The following SGCD variants were observed in gnomAD, a reference collection of about 807,000 sequenced individuals.
SGCD encodes the protein sarcoglycan delta.
SGCD carries 18 observed loss-of-function variants against 36.6 expected under a neutral mutation model. That is an observed-to-expected ratio of 0.49 (90% confidence interval 0.34 to 0.73). The LOEUF is 0.73. SGCD is among the 30% of genes least tolerant of loss of function. The pLI, the probability that SGCD is intolerant of heterozygous loss-of-function variation, is 0.01. For synonymous variants in SGCD, 133 were observed against 130.6 expected (o/e 1.02, Z -0.12); for missense variants, 387 against 346.7 (o/e 1.12, Z -0.92).
chr5:156,124,608 G>A lies in SGCD; in HGVS notation c.-44+589G>A, dbSNP rs528462801. 1.7e-4 allele frequency among the ~76,000 whole-genome samples: 26 copies of A among 152,120 alleles called. No individual in the cohort carries two copies. The South Asian group carries it at 3.7e-3, about 22-fold the overall frequency. On this transcript the variant is annotated intron_variant, in intron 3 of 9. Coordinates refer to the SGCD transcript ENST00000517913. ...ACTAATCAACAAAGTATGCATTTGC[G>A]TGCATATAAATACATCCTTATACAC...
At chr5:156,259,085 G>A (rs963654673) in intron 3 of SGCD, among the ~76,000 whole-genome samples, 3 of 151,644 alleles carry the variant, frequency 2.0e-5, no homozygotes, top group African/African-American at 7.3e-5. Context: ...ATGGGTTTCA[G>A]TTTCCCTATA....
At chr5:156,086,697 T>C (rs1182709224) in intron 1 of SGCD, among the ~76,000 whole-genome samples, 2 of 152,122 alleles carry the variant, frequency 1.3e-5, no homozygotes, top group African/African-American at 4.8e-5. Flanking sequence ...AACTTCTAAG[T>C]AAGCATTCAA....
chr5:156,603,511 G>A (rs2113422413), intron 6 of SGCD, among the ~76,000 whole-genome samples: 1 of 151,982 alleles, frequency 6.6e-6, no homozygotes, highest in Non-Finnish European at 1.5e-5. Flanking sequence ...TCTTTAGATT[G>A]CTTAATATAA....
intron 7 of SGCD, among the ~76,000 whole-genome samples, chr5:156,741,794 T>C (rs962389872): frequency 5.9e-5 from 9 of 152,152 alleles, no homozygotes; most frequent in African/African-American, 2.2e-4. Context: ...AGTTCCTCAA[T>C]TGCACCTTCC....
intron 1 of SGCD, among the ~76,000 whole-genome samples, chr5:155,978,565 G>C (rs920841522): frequency 2.6e-5 from 4 of 152,212 alleles, no homozygotes; most frequent in African/African-American, 9.7e-5. Context: ...GCAGGGCCTG[G>C]TGGCTTTTGC....
chr5:156,224,155 C>G (rs1764788793), intron 3 of SGCD, among the ~76,000 whole-genome samples: 1 of 151,892 alleles, frequency 6.6e-6, no homozygotes, highest in Admixed American at 6.6e-5. Context: ...TACCCCTAAT[C>G]TATAGATGGC....
intron 3 of SGCD, among the ~76,000 whole-genome samples, chr5:156,197,613 A>G (rs2127635446): frequency 6.6e-6 from 1 of 152,130 alleles, no homozygotes; most frequent in African/African-American, 2.4e-5. Context: ...ATGAAGCACC[A>G]TATTGTTCAA....
chr5:155,895,380 G>T (rs974088389), intron 1 of SGCD, among the ~76,000 whole-genome samples: 5 of 152,182 alleles, frequency 3.3e-5, no homozygotes, highest in African/African-American at 1.2e-4. Flanking sequence ...AAATGTGATT[G>T]CTACATGAAT....
At chr5:156,746,750 A>C (rs987202000) in intron 7 of SGCD, among the ~76,000 whole-genome samples, 1 of 152,258 alleles carries the variant, frequency 6.6e-6, no homozygotes, top group Non-Finnish European at 1.5e-5. Context: ...TGCTAAAACT[A>C]TAAAGATTCT....
intron 6 of SGCD, among the ~76,000 whole-genome samples, chr5:156,632,796 G>C (rs1258210966): frequency 6.6e-6 from 1 of 152,156 alleles, no homozygotes; most frequent in Non-Finnish European, 1.5e-5. Flanking sequence ...AGCTACTATG[G>C]CACGTGTACC....
chr5:155,952,023 G>GGCTTA (rs1448853190), intron 1 of SGCD, among the ~76,000 whole-genome samples: 1 of 152,142 alleles, frequency 6.6e-6, no homozygotes, highest in East Asian at 1.9e-4. Flanking sequence ...AGGATGAAAG[G>GGCTTA]GCTTATCTAA....
At chr5:156,475,939 A>T (rs1257330089) in intron 3 of SGCD, among the ~76,000 whole-genome samples, 1 of 152,182 alleles carries the variant, frequency 6.6e-6, no homozygotes, top group Non-Finnish European at 1.5e-5. Context: ...GGTGCATTGG[A>T]GCTTGAAGGT....
intron 3 of SGCD, among the ~76,000 whole-genome samples, chr5:156,297,365 A>G (rs999549806): frequency 1.3e-5 from 2 of 152,082 alleles, no homozygotes; most frequent in African/African-American, 4.8e-5. Flanking sequence ...ATTATTCACA[A>G]TAGCAAAGAC....
chr5:156,568,358 G>A (rs917024205), intron 4 of SGCD, among the ~76,000 whole-genome samples: 2 of 152,150 alleles, frequency 1.3e-5, no homozygotes, highest in Non-Finnish European at 2.9e-5. Flanking sequence ...TCCAGCCTGG[G>A]CAACAAAGCA....
intron 1 of SGCD, among the ~76,000 whole-genome samples, chr5:155,883,904 C>T (rs1040394489): frequency 4.6e-5 from 7 of 151,160 alleles, no homozygotes; most frequent in African/African-American, 1.7e-4. Context: ...ATGCTCAGAG[C>T]ATTTCAGCAA....
intron 3 of SGCD, among the ~76,000 whole-genome samples, chr5:156,407,951 A>G (rs936984034): frequency 6.6e-6 from 1 of 152,140 alleles, no homozygotes; most frequent in Non-Finnish European, 1.5e-5. Context: ...GAGGAGGAAG[A>G]TTTTTATCCC....
chr5:155,809,733 C>T, the SGCD span, among the ~76,000 whole-genome samples: 1 of 152,072 alleles, frequency 6.6e-6, no homozygotes, highest in African/African-American at 2.4e-5. Flanking sequence ...AATAAACAAA[C>T]GTTTAAATAA....
intron 1 of SGCD, among the ~76,000 whole-genome samples, chr5:156,088,336 TGA>T (rs1761153273): frequency 6.6e-6 from 1 of 152,212 alleles, no homozygotes; most frequent in South Asian, 2.1e-4. Context: ...CCAGAGTCAT[TGA>T]GAGTCTTATT....
At chr5:156,568,090 A>G (rs1759570314) in intron 4 of SGCD, among the ~76,000 whole-genome samples, 1 of 152,178 alleles carries the variant, frequency 6.6e-6, no homozygotes, top group Non-Finnish European at 1.5e-5. Context: ...AGAGGTAGGG[A>G]TAAGACTCAA....
Sources: allele counts gnomAD v4.1 joint callset (sites outside exome capture counted in the v4.1 genomes callset), GRCh38; gene constraint gnomAD v4.1.1; transcripts MANE v1.5; gene names NCBI Gene and HGNC (gene_info 2026-07-23, HGNC 2026-07-21).